THSD4: variants seen among roughly 807,000 people sequenced by gnomAD.
The protein encoded by THSD4 is thrombospondin type 1 domain containing 4, also known as thrombospondin type-1 domain-containing protein 4.
Under a neutral mutation model 119.0 loss-of-function variants are expected in THSD4, and 69 were observed. The observed-to-expected ratio is 0.58, with a 90% CI of 0.48 to 0.71. The LOEUF (loss-of-function observed/expected upper bound fraction) is 0.71, where lower values mean the gene tolerates loss of function less well. Ranked by LOEUF, THSD4 falls within the 30% of genes least tolerant of loss-of-function variation. The pLI, the probability that THSD4 is intolerant of heterozygous loss-of-function variation, is 0.00. For missense variants in THSD4, 1,393 were observed against 1,391.1 expected (o/e 1.00, Z -0.02); for synonymous variants, 524 against 540.4 (o/e 0.97, Z 0.42).
intron 7 of THSD4, among the ~76,000 whole-genome samples, chr15:71,637,199 A>G (rs942809552): frequency 7.9e-5 from 12 of 152,132 alleles, no homozygotes; most frequent in African/African-American, 2.9e-4. Flanking sequence ...AAGTCCAATT[A>G]ACTATTTTTC....
At chr15:71,126,467 G>A (rs1053692969) in intron 1 of THSD4, among the ~76,000 whole-genome samples, 2 of 152,242 alleles carry the variant, frequency 1.3e-5, no homozygotes, top group African/African-American at 4.8e-5. Flanking sequence ...CTGGAGCAGT[G>A]TCAGAAGAAG....
chr15:71,235,082 C>T (rs1396278738), intron 4 of THSD4, among the ~76,000 whole-genome samples: 1 of 152,192 alleles, frequency 6.6e-6, no homozygotes, highest in East Asian at 1.9e-4. Context: ...AAAAGCATTT[C>T]CCTTGATAGT....
chr15:71,529,034 G>A (rs891002683), intron 7 of THSD4, among the ~76,000 whole-genome samples: 5 of 152,204 alleles, frequency 3.3e-5, no homozygotes, highest in Admixed American at 6.5e-5. Context: ...CCTTCTTGAA[G>A]TTGGATGTAG....
rs114544496 is a variant in THSD4 at position 71,283,366 on chromosome 15, G to A, written c.1015+26651G>A. Among the ~76,000 whole-genome samples the A allele has an allele frequency of 5.5e-3, 844 of 152,250 alleles. 15 individuals carry two copies. Among genetic ancestry groups the A allele is most frequent in the South Asian group, 0.045 (218 of 4,818 alleles). ...TGAACACACCAAGTCTACCAGCCCT[G>A]TTGCTCACATATGGTTTTACGTCAC... On this transcript the variant is annotated intron_variant, in intron 6 of 17. Coordinates refer to ENST00000261862, the MANE Select transcript of THSD4 (RefSeq NM_024817.3).
chr15:71,486,489 C>A (rs984788810), intron 7 of THSD4, among the ~76,000 whole-genome samples: 2 of 152,158 alleles, frequency 1.3e-5, no homozygotes, highest in Non-Finnish European at 2.9e-5. Context: ...CTCTCACTTA[C>A]GTGTGGCATA....
At chr15:71,143,696 C>CT (rs1567137089) in intron 2 of THSD4, among the ~76,000 whole-genome samples, 13 of 98,440 alleles carry the variant, frequency 1.3e-4, no homozygotes, top group African/African-American at 4.1e-4. Context: ...TTTTTTTTTT[C>CT]TTTCTTTTTT....
chr15:71,231,589 A>G (rs902718132), intron 4 of THSD4, among the ~76,000 whole-genome samples: 1 of 152,094 alleles, frequency 6.6e-6, no homozygotes. Context: ...CATACCCCCC[A>G]TAAGCCTGTG....
At chr15:71,155,982 A>T (rs960723436) in intron 3 of THSD4, among the ~76,000 whole-genome samples, 3 of 152,160 alleles carry the variant, frequency 2.0e-5, no homozygotes, top group Non-Finnish European at 4.4e-5. Flanking sequence ...ACAGTATTGC[A>T]TATGCTTCCC....
chr15:71,746,273 A>G (rs74022422), intron 12 of THSD4, among the ~76,000 whole-genome samples: 477 of 152,238 alleles, frequency 3.1e-3, no homozygotes, highest in African/African-American at 0.011. Flanking sequence ...GTACGTTTTC[A>G]GTTTTCTATA....
At chr15:71,751,169 A>T (rs2053442230) in intron 14 of THSD4, among the ~76,000 whole-genome samples, 1 of 152,228 alleles carries the variant, frequency 6.6e-6, no homozygotes, top group African/African-American at 2.4e-5. Flanking sequence ...TAGTTTCCTC[A>T]ACTAATCCTT....
At chr15:71,353,288 C>T (rs940835647) in intron 6 of THSD4, among the ~76,000 whole-genome samples, 1 of 152,168 alleles carries the variant, frequency 6.6e-6, no homozygotes, top group Non-Finnish European at 1.5e-5. Context: ...ACATCTTTAG[C>T]TGGTTTGGGC....
intron 6 of THSD4, among the ~76,000 whole-genome samples, chr15:71,269,408 G>T (rs773039559): frequency 3.3e-5 from 5 of 152,108 alleles, no homozygotes; most frequent in Non-Finnish European, 7.4e-5. Context: ...ACCCCTTCAT[G>T]CTAAAAACTC....
intron 7 of THSD4, among the ~76,000 whole-genome samples, chr15:71,484,326 T>C (rs1328256764): frequency 6.6e-6 from 1 of 152,236 alleles, no homozygotes; most frequent in African/African-American, 2.4e-5. Context: ...CATGCTGCTG[T>C]TTTCATGAGT....
intron 8 of THSD4, among the ~76,000 whole-genome samples, chr15:71,716,675 G>A (rs2052616808): frequency 6.6e-6 from 1 of 151,594 alleles, no homozygotes; most frequent in Admixed American, 6.6e-5. Flanking sequence ...CGAGTGGGCT[G>A]TTATCCTGCC....
intron 3 of THSD4, among the ~76,000 whole-genome samples, chr15:71,214,339 C>G (rs960577849): frequency 6.6e-6 from 1 of 152,192 alleles, no homozygotes; most frequent in Admixed American, 6.5e-5. Context: ...TTCTTTTGCT[C>G]GTCATAGTAA....
intron 7 of THSD4, among the ~76,000 whole-genome samples, chr15:71,444,849 G>T (rs2140566042): frequency 6.6e-6 from 1 of 152,208 alleles, no homozygotes; most frequent in South Asian, 2.1e-4. Context: ...TTTCAGGTGA[G>T]CTTTCATTTT....
chr15:71,734,265 A>G (rs987141525), intron 10 of THSD4, among the ~76,000 whole-genome samples: 3 of 152,218 alleles, frequency 2.0e-5, no homozygotes, highest in Non-Finnish European at 4.4e-5. Flanking sequence ...AGCAACCAAG[A>G]AGTCCTTCAG....
chr15:71,153,971 A>G (rs1175026457), intron 2 of THSD4, among the ~76,000 whole-genome samples: 1 of 152,100 alleles, frequency 6.6e-6, no homozygotes, highest in Non-Finnish European at 1.5e-5. Context: ...CAGGAGAGGG[A>G]GTGAAAGATC....
chr15:71,552,281 T>C (rs1397445161), intron 7 of THSD4, among the ~76,000 whole-genome samples: 1 of 152,248 alleles, frequency 6.6e-6, no homozygotes, highest in Non-Finnish European at 1.5e-5. Flanking sequence ...TATCTTTTTA[T>C]GACGTGTCAT....
Sources: gnomAD v4.1 joint callset for allele counts (sites outside exome capture counted in the v4.1 genomes callset) on GRCh38, gnomAD v4.1.1 for gene constraint, MANE v1.5 for transcripts, NCBI Gene and HGNC (gene_info 2026-07-23, HGNC 2026-07-21) for gene names.